The following RAD21 variants were observed in gnomAD, a reference collection of about 807,000 sequenced individuals.
The protein encoded by RAD21 is RAD21 cohesin complex component.
RAD21 carries 18 observed loss-of-function variants against 71.5 expected under a neutral mutation model. The ratio of observed to expected loss-of-function variants is 0.25; its 90% confidence interval spans 0.17 to 0.37. RAD21 has a LOEUF of 0.37. Ranked by LOEUF, RAD21 falls within the 10% of genes least tolerant of loss-of-function variation. RAD21 has a pLI of 1.00. For synonymous variants in RAD21, 248 were observed against 254.0 expected (o/e 0.98, Z 0.22); for missense variants, 493 against 769.1 (o/e 0.64, Z 4.25).
Position 116,852,603 on chromosome 8 carries a change from G to C in RAD21, c.1267C>G (p.Pro423Ala). Residue 423 changes from proline to alanine, a missense_variant, in exon 10 of 14, where the codon CCA becomes GCA. Coordinates refer to ENST00000297338, the MANE Select transcript of RAD21 (RefSeq NM_006265.3). ...TGCTGGTCCTCTCTAGGAACCTCTG[G>C]ATTTTCAAATTCTTTGAGGAATTCA... ...LDEFLKEFEN[P>A]EVPREDQQQQ... 2 of 1,613,188 alleles carry C rather than the reference G, an allele frequency of 1.2e-6. No homozygotes were observed. Among genetic ancestry groups the C allele is most frequent in the Non-Finnish European group, 1.7e-6 (2 of 1,179,624 alleles).
Position 116,846,795 on chromosome 8 carries a change from A to T in RAD21, c.*705T>A, listed in dbSNP as rs1812260780. On this transcript the variant is annotated 3_prime_UTR_variant, in exon 14 of 14. Transcript: ENST00000297338. The stretch of plus-strand genomic sequence containing the variant: ...TCAGGCCTAGCTTTGCTCATTTTGG[A>T]GCCTCACTAAAATAACAGATTTCAG... 1 of 220,202 alleles carries T rather than the reference A, an allele frequency of 4.5e-6. No homozygotes were observed. Among genetic ancestry groups the T allele is most frequent in the Admixed American group, 5.8e-5 (1 of 17,364 alleles). The allele number at this position is 220,202 out of a possible 1,614,324, so 13.6% of individuals were successfully genotyped here.
chr8:116,856,407 A>T (rs1812467391), intron 7 of RAD21, 119 bp from the exon 8 acceptor site: 2 of 1,317,776 alleles, frequency 1.5e-6, no homozygotes, highest in South Asian at 1.9e-5. Context: ...GTTATTACTA[A>T]GAAAAAATAT....
chr8:116,861,762 G>A, intron 4 of RAD21, 79 bp downstream of exon 4: 2 of 1,008,022 alleles, frequency 2.0e-6, no homozygotes, highest in Non-Finnish European at 3.0e-6. Context: ...ACATTCCAAG[G>A]AAAACTATAC....
intron 5 of RAD21, among the ~76,000 whole-genome samples, chr8:116,857,932 C>T (rs765029558): frequency 2.6e-5 from 4 of 152,164 alleles, no homozygotes; most frequent in Non-Finnish European, 5.9e-5. Flanking sequence ...ATAATCCAGC[C>T]TGTGAAGAGC....
At chr8:116,856,816 C>G (rs1161575123) in intron 6 of RAD21, 45 bp from the exon 7 acceptor site, 9 of 1,379,308 alleles carry the variant, frequency 6.5e-6, no homozygotes, top group Non-Finnish European at 7.7e-6. Context: ...AAAAGAAATG[C>G]CAAACCACAA....
At chr8:116,850,836 TAC>T in intron 11 of RAD21, 69 bp from the exon 12 acceptor site, 2 of 1,112,914 alleles carry the variant, frequency 1.8e-6, no homozygotes, top group Non-Finnish European at 1.3e-6. Context: ...AATATGAAAA[TAC>T]ACAGTGGCTG....
rs778278679 is a variant in RAD21 at position 116,852,016 on chromosome 8, T to C, written c.1402A>G (p.Met468Val). ...ACTCCCTGAGGTGGTGGTGGAGGCATAGCTGACTCATCTATGTTTGTTCTG... is the reference window on the plus strand; with the variant it reads ...ACTCCCTGAGGTGGTGGTGGAGGCACAGCTGACTCATCTATGTTTGTTCTG... Reference protein sequence around the residue: ...ASRTNIDESAMPPPPPQGVKR... With the variant: ...ASRTNIDESAVPPPPPQGVKR... Residue 468 changes from methionine to valine, a missense_variant, in exon 11 of 14, where the codon ATG becomes GTG. Transcript: ENST00000297338. 1.1e-5 allele frequency: 17 copies of C among 1,613,198 alleles called. No individual in the cohort carries two copies. Among genetic ancestry groups the C allele is most frequent in the Admixed American group, 1.0e-4 (6 of 59,958 alleles).
At chr8:116,855,364 AT>A (rs1812439875) in intron 8 of RAD21, among the ~76,000 whole-genome samples, 1 of 152,178 alleles carries the variant, frequency 6.6e-6, no homozygotes, top group Non-Finnish European at 1.5e-5. Context: ...TAGGTTTTAT[AT>A]CCCCATTATC....
chr8:116,851,603 T>C (rs531788866), intron 11 of RAD21: 4 of 174,486 alleles, frequency 2.3e-5, no homozygotes, highest in Admixed American at 1.2e-4. Context: ...TTGAAGTTTA[T>C]TCTGATTACT....
At chr8:116,861,809 G>A (rs1812598210) in intron 4 of RAD21, 32 bp downstream of exon 4, 1 of 1,535,772 alleles carries the variant, frequency 6.5e-7, no homozygotes, top group Non-Finnish European at 9.0e-7. Context: ...TGCAGACCAA[G>A]TCAACAATTT....
chr8:116,860,924 C>T (rs895357203), intron 4 of RAD21, among the ~76,000 whole-genome samples: 1 of 152,022 alleles, frequency 6.6e-6, no homozygotes, highest in Non-Finnish European at 1.5e-5. Context: ...GTGAGGTAAG[C>T]TGGGGAAACA....
At position 116,848,795 on chromosome 8, in the gene RAD21, G is replaced by GA. The variant is rs1373020058; in HGVS notation, c.1704+150dup. On this transcript the variant is annotated intron_variant, in intron 13 of 13. Coordinates refer to ENST00000297338, the MANE Select transcript of RAD21 (RefSeq NM_006265.3). ...AAAAGAAAAGAAAACTCTCCCTCCA[G>GA]AAAAAATAAATAAATAAATAAAAAT... 250 of 460,290 alleles carry GA rather than the reference G, an allele frequency of 5.4e-4. No individual in the cohort carries two copies. The East Asian group carries it at 5.8e-3, about 11-fold the overall frequency. 28.5% of individuals were successfully genotyped at this position (460,290 alleles called of 1,614,324 possible).
chr8:116,863,323 T>C lies in RAD21; in HGVS notation c.145-64A>G, dbSNP rs1362773794. The C allele has an allele frequency of 3.3e-6, 5 of 1,520,464 alleles. No homozygotes were observed. The African/African-American group carries it at 4.1e-5, about 13-fold the overall frequency. 94.2% of individuals were successfully genotyped at this position (1,520,464 alleles called of 1,614,324 possible). ...TTCGTGCCATTCATAGTCTTCTTTT[T>C]ATCTTTTTCCTTTAAAGTTGCCTTA... On this transcript the variant is annotated intron_variant, in intron 2 of 13. Coordinates refer to ENST00000297338, the MANE Select transcript of RAD21 (RefSeq NM_006265.3).
At chr8:116,859,369 G>A (rs1435549994) in intron 4 of RAD21, among the ~76,000 whole-genome samples, 1 of 151,910 alleles carries the variant, frequency 6.6e-6, no homozygotes, top group Non-Finnish European at 1.5e-5. Flanking sequence ...ATTTGTTATG[G>A]TGATCTTGAT....
In RAD21 at chr8:116,870,673, G is replaced by C. The variant is rs576804168; in HGVS notation, c.-32-3912C>G. Among the ~76,000 whole-genome samples, 350 of 152,244 alleles carry C rather than the reference G, an allele frequency of 2.3e-3. 1 individual carries two copies. The highest frequency in any genetic ancestry group is 4.3e-3 in the Admixed American group (65 of 15,292). On this transcript the variant is annotated intron_variant, in intron 1 of 13. Transcript: ENST00000297338. ...TGTTCTGAGAAATATAATCGCTGTT[G>C]TACAGGACAAGCCCCAAGTTCCACT...
At chr8:116,863,294 G>GC (rs760125497) in intron 2 of RAD21, 35 bp from the exon 3 acceptor site, 1 of 1,582,618 alleles carries the variant, frequency 6.3e-7, no homozygotes, top group Non-Finnish European at 8.6e-7. Context: ...TCCAAAACCT[G>GC]CATTTCGTGC....
intron 11 of RAD21, chr8:116,851,618 A>G (rs917313519): frequency 2.1e-5 from 4 of 189,084 alleles, no homozygotes; most frequent in Non-Finnish European, 4.3e-5. Flanking sequence ...ATTACTTAAT[A>G]AGATGACCTA....
At position 116,863,126 on chromosome 8, in the gene RAD21, A is replaced by G. The variant is rs768802666; in HGVS notation, c.274+4T>C. On this transcript the variant is annotated splice_donor_region_variant and intron_variant, in intron 3 of 13. Transcript: ENST00000297338. ...CAACAAAAACCAAACAAGTTTAACA[A>G]TACCTGGCCGAAAAGCCATCTTTAT... is the stretch of plus-strand genomic sequence containing the variant. 4.4e-6 allele frequency: 7 copies of G among 1,601,126 alleles called. No homozygotes were observed. In the East Asian group the frequency reaches 1.3e-4, roughly 31 times the overall value.
intron 4 of RAD21, among the ~76,000 whole-genome samples, chr8:116,859,776 G>A (rs1812550540): frequency 6.6e-6 from 1 of 151,716 alleles, no homozygotes; most frequent in African/African-American, 2.4e-5. Context: ...GTAAAATGAA[G>A]AGTCACATGT....
Sources: gnomAD v4.1 joint callset for allele counts (sites outside exome capture counted in the v4.1 genomes callset) on GRCh38, gnomAD v4.1.1 for gene constraint, MANE v1.5 for transcripts, NCBI Gene and HGNC (gene_info 2026-07-23, HGNC 2026-07-21) for gene names.